Variants in ARHGAP19 observed in about 807,000 individuals in gnomAD.
ARHGAP19 encodes rho GTPase-activating protein 19.
ARHGAP19 carries 48 observed loss-of-function variants against 60.9 expected under a neutral mutation model. The ratio of observed to expected loss-of-function variants is 0.79; its 90% CI spans 0.62 to 1.00. The LOEUF (loss-of-function observed/expected upper bound fraction) is 1.00, where lower values mean the gene tolerates loss of function less well. ARHGAP19 is among the 50% of genes least tolerant of loss of function. ARHGAP19 has a pLI of 0.00. For synonymous variants in ARHGAP19, 209 were observed against 215.5 expected (o/e 0.97, Z 0.27); for missense variants, 562 against 597.2 (o/e 0.94, Z 0.61).
rs1247611546 is a variant in ARHGAP19 at position 97,223,029 on chromosome 10, CAGG to C, written c.*3090_*3092del. 6.6e-6 allele frequency: 1 copy of C among 152,166 alleles called. No homozygotes were observed. The allele number at this position is 152,166 out of a possible 1,614,324, so 9.4% of individuals were successfully genotyped here. On this transcript the variant is annotated 3_prime_UTR_variant, in exon 12 of 12. Coordinates refer to ENST00000358531, the MANE Select transcript of ARHGAP19 (RefSeq NM_032900.6). ...GAAACTGAACAGAAACGTTCCTACTCAGGAGGAGAGAATGGCTCTGTTCTGACA... is the reference window on the plus strand; with the variant it reads ...GAAACTGAACAGAAACGTTCCTACTCAGGAGAGAATGGCTCTGTTCTGACA...
At chr10:97,273,087 G>C (rs539762420) in intron 1 of ARHGAP19, among the ~76,000 whole-genome samples, 1 of 151,994 alleles carries the variant, frequency 6.6e-6, no homozygotes, top group South Asian at 2.1e-4. Flanking sequence ...TGATCCGCCC[G>C]CCTCGGCCTC....
chr10:97,234,415 T>TAAAA (rs10592924), intron 9 of ARHGAP19, among the ~76,000 whole-genome samples: 6 of 124,162 alleles, frequency 4.8e-5, no homozygotes, highest in African/African-American at 6.3e-5. Flanking sequence ...AAATAAAAAT[T>TAAAA]AAAAAAAAAA....
At chr10:97,263,374 A>C in intron 4 of ARHGAP19, 46 bp downstream of exon 4, 2 of 1,573,774 alleles carry the variant, frequency 1.3e-6, no homozygotes. Context: ...ACTTTACTAA[A>C]TTGAAAGAAA....
chr10:97,247,655 G>C (rs1229927750), intron 6 of ARHGAP19, among the ~76,000 whole-genome samples: 1 of 151,790 alleles, frequency 6.6e-6, no homozygotes, highest in East Asian at 1.9e-4. Flanking sequence ...AGAGGAGGCA[G>C]GGAGGGAAAG....
At chr10:97,266,181 A>G in intron 1 of ARHGAP19, 56 bp from the exon 2 acceptor site, 1 of 1,592,056 alleles carries the variant, frequency 6.3e-7, no homozygotes, top group Non-Finnish European at 8.6e-7. Flanking sequence ...TTTCTTATGC[A>G]CTACTCATTG....
At chr10:97,227,001 G>A (rs999781961) in intron 11 of ARHGAP19, among the ~76,000 whole-genome samples, 15 of 152,166 alleles carry the variant, frequency 9.9e-5, no homozygotes, top group African/African-American at 3.4e-4. Context: ...ATCACAACTG[G>A]GGGAAGGATG....
Position 97,223,402 on chromosome 10 carries a change from G to T in ARHGAP19, c.*2720C>A, listed in dbSNP as rs576403498. 6.6e-6 allele frequency: 1 copy of T among 152,098 alleles called. No individual in the cohort carries two copies. Among genetic ancestry groups the T allele is most frequent in the Non-Finnish European group, 1.5e-5 (1 of 68,034 alleles). The allele number at this position is 152,098 out of a possible 1,614,324, so 9.4% of individuals were successfully genotyped here. On this transcript the variant is annotated 3_prime_UTR_variant, in exon 12 of 12. Transcript: ENST00000358531. ...AATGCAAAAGTCTATCATTGTAAAAGGTGAGAAATTCCAACGCCTATGGTT... is the reference window on the plus strand; with the variant it reads ...AATGCAAAAGTCTATCATTGTAAAATGTGAGAAATTCCAACGCCTATGGTT...
chr10:97,230,774 T>C (rs971605840), intron 9 of ARHGAP19, among the ~76,000 whole-genome samples: 8 of 152,058 alleles, frequency 5.3e-5, no homozygotes, highest in Non-Finnish European at 1.2e-4. Context: ...AACACAAAAA[T>C]AATATTTTAG....
intron 1 of ARHGAP19, among the ~76,000 whole-genome samples, chr10:97,291,652 G>A (rs1043942046): frequency 2.6e-5 from 4 of 152,166 alleles, no homozygotes; most frequent in Non-Finnish European, 4.4e-5. Flanking sequence ...GGAAGAAGCC[G>A]AGTCACAAAG....
chr10:97,265,314 C>A, intron 2 of ARHGAP19: 1 of 180,458 alleles, frequency 5.5e-6, no homozygotes. Flanking sequence ...CCAGCCTGGG[C>A]AACATAGTGA....
intron 3 of ARHGAP19, 72 bp from the exon 4 acceptor site, chr10:97,263,701 T>G (rs1842861634): frequency 1.4e-6 from 2 of 1,455,596 alleles, no homozygotes; most frequent in Non-Finnish European, 1.9e-6. Context: ...ATAAATGGTC[T>G]AAAGACTACT....
chr10:97,272,285 C>T (rs1842970302), intron 1 of ARHGAP19, among the ~76,000 whole-genome samples: 1 of 151,946 alleles, frequency 6.6e-6, no homozygotes, highest in South Asian at 2.1e-4. Flanking sequence ...AGGCACACGC[C>T]ACCCCACCCA....
chr10:97,285,019 G>C (rs1013613054), intron 1 of ARHGAP19, among the ~76,000 whole-genome samples: 1 of 150,938 alleles, frequency 6.6e-6, no homozygotes, highest in African/African-American at 2.4e-5. Context: ...GCATGCCACT[G>C]CACCCAGCTA....
rs185173307 is a variant in ARHGAP19 at position 97,244,363 on chromosome 10, C to A, written c.994-204G>T. Reference sequence around the variant, plus strand: ...ATTAATAGCCCACTCCCATGACCTGCCCAGAGAACCTAAGTGCATTTGGAA... The same window carrying A: ...ATTAATAGCCCACTCCCATGACCTGACCAGAGAACCTAAGTGCATTTGGAA... On this transcript the variant is annotated intron_variant, in intron 7 of 11. Transcript: ENST00000358531. 1.5e-4 allele frequency among the ~76,000 whole-genome samples: 23 copies of A among 152,076 alleles called. No individual in the cohort carries two copies. The East Asian group carries it at 4.3e-3, about 28-fold the overall frequency.
intron 6 of ARHGAP19, among the ~76,000 whole-genome samples, chr10:97,250,269 TATATA>T (rs1842624196): frequency 6.6e-6 from 1 of 152,178 alleles, no homozygotes; most frequent in African/African-American, 2.4e-5. Context: ...GGGGGAGAGT[TATATA>T]TGAGTATTCA....
rs1477455851 is a variant in ARHGAP19 at position 97,239,569 on chromosome 10, TGTGTGTGTGTGTGTGTG to T, written c.1186-4271_1186-4255del. Among the ~76,000 whole-genome samples, 133 of 98,452 alleles carry T rather than the reference TGTGTGTGTGTGTGTGTG, an allele frequency of 1.4e-3. 1 individual carries two copies. The highest frequency in any genetic ancestry group is 3.5e-3 in the African/African-American group (126 of 36,090). 64.6% of individuals were successfully genotyped at this position (98,452 alleles called of 152,430 possible). A position where few individuals can be genotyped will look rare whatever the true frequency, so the allele number is the denominator to read the frequency against. On this transcript the variant is annotated intron_variant, in intron 8 of 11. Coordinates refer to ENST00000358531, the MANE Select transcript of ARHGAP19 (RefSeq NM_032900.6). The stretch of plus-strand genomic sequence containing the variant: ...GAGAGAGGGTGTGTGTGTGTGTGTG[TGTGTGTGTGTGTGTGTG>T]TGTGTGTGTGTGTGTGTCTAAATGT...
intron 1 of ARHGAP19, among the ~76,000 whole-genome samples, chr10:97,290,864 T>G (rs765418032): frequency 6.6e-6 from 1 of 151,924 alleles, no homozygotes; most frequent in Non-Finnish European, 1.5e-5. Context: ...ACGCCCCAAT[T>G]CAGCAGGAAG....
chr10:97,281,980 G>A (rs1288946283), intron 1 of ARHGAP19, among the ~76,000 whole-genome samples: 2 of 152,134 alleles, frequency 1.3e-5, no homozygotes, highest in African/African-American at 4.8e-5. Context: ...AGGTACACAG[G>A]GGAGTTACAG....
At chr10:97,289,663 C>A (rs188554774) in intron 1 of ARHGAP19, among the ~76,000 whole-genome samples, 2 of 151,690 alleles carry the variant, frequency 1.3e-5, no homozygotes, top group African/African-American at 4.8e-5. Flanking sequence ...GGCAAGACCC[C>A]GGTTTCTACA....
Sources: gnomAD v4.1 joint callset for allele counts (sites outside exome capture counted in the v4.1 genomes callset) on GRCh38, gnomAD v4.1.1 for gene constraint, MANE v1.5 for transcripts, NCBI Gene and HGNC (gene_info 2026-07-23, HGNC 2026-07-21) for gene names.